The following SEC14L1 variants were observed in gnomAD, a reference collection of about 807,000 sequenced individuals.
SEC14L1 encodes the protein SEC14-like protein 1.
Under a neutral mutation model 85.3 loss-of-function variants are expected in SEC14L1, and 48 were observed. That is an observed-to-expected ratio of 0.56 (90% CI 0.45 to 0.72). The LOEUF (loss-of-function observed/expected upper bound fraction) is 0.72. Ranked by LOEUF, SEC14L1 falls within the 30% of genes least tolerant of loss-of-function variation. The probability of loss-of-function intolerance (pLI) is 0.00; values close to 1 mark genes in which losing one functional copy is unlikely to be tolerated. For synonymous variants in SEC14L1, 391 were observed against 355.5 expected (o/e 1.10, Z -1.12); for missense variants, 682 against 921.4 (o/e 0.74, Z 3.36).
At chr17:77,132,226 A>ATTTT (rs1333203539) in intron 3 of SEC14L1, among the ~76,000 whole-genome samples, 4 of 133,382 alleles carry the variant, frequency 3.0e-5, no homozygotes, top group Admixed American at 7.6e-5. Context: ...TCTGCATGGA[A>ATTTT]TTTTTTTTTT....
At position 77,214,289 on chromosome 17, in the gene SEC14L1, A is replaced by C; in HGVS notation, c.*266A>C. The C allele has an allele frequency of 8.0e-7, 1 of 1,251,626 alleles. No individual in the cohort carries two copies. The highest frequency in any genetic ancestry group is 1.0e-6 in the Non-Finnish European group (1 of 995,252). 77.5% of individuals were successfully genotyped at this position (1,251,626 alleles called of 1,614,324 possible). A position where few individuals can be genotyped will look rare whatever the true frequency, so the allele number is the denominator to read the frequency against. On this transcript the variant is annotated 3_prime_UTR_variant, in exon 17 of 17. Transcript: ENST00000436233. ...CAGAGCGCAAGGGCTCTCTTGAAAG[A>C]AAAGTAGTTTCTGTACCAATTAAAG...
At chr17:77,108,090 C>G (rs913796900) in intron 3 of SEC14L1, among the ~76,000 whole-genome samples, 1 of 151,812 alleles carries the variant, frequency 6.6e-6, no homozygotes, top group Non-Finnish European at 1.5e-5. Context: ...CCATGCCCCC[C>G]CATACCATGC....
chr17:77,211,872 C>G (rs1433271272), intron 14 of SEC14L1, 78 bp from the exon 15 acceptor site: 1 of 1,564,518 alleles, frequency 6.4e-7, no homozygotes, highest in East Asian at 2.2e-5. Flanking sequence ...CCTGGATCCC[C>G]TGGAGAGCAC....
Position 77,216,550 on chromosome 17 carries a change from T to A in SEC14L1, c.*2527T>A. On this transcript the variant is annotated 3_prime_UTR_variant, in exon 17 of 17. Coordinates refer to ENST00000436233, the MANE Select transcript of SEC14L1 (RefSeq NM_001143998.2). ...TCTTTCTCTTTCTCTGTGTCTCAGA[T>A]GGCGATTTTGCTGACAGCTGCCAAG... 1.2e-6 allele frequency: 2 copies of A among 1,613,330 alleles called. No homozygotes were observed. The highest frequency in any genetic ancestry group is 8.5e-7 in the Non-Finnish European group (1 of 1,179,434).
At chr17:77,096,115 T>G (rs1214785422) in intron 3 of SEC14L1, among the ~76,000 whole-genome samples, 1 of 151,426 alleles carries the variant, frequency 6.6e-6, no homozygotes, top group Non-Finnish European at 1.5e-5. Context: ...CAGACTGGTC[T>G]TGAACTCCTG....
chr17:77,188,997 T>G (rs985160579), intron 3 of SEC14L1, among the ~76,000 whole-genome samples: 2 of 151,440 alleles, frequency 1.3e-5, no homozygotes, highest in Admixed American at 6.7e-5. Context: ...TTGAGTTGTT[T>G]TTTTTTTTTA....
At chr17:77,191,784 C>G (rs1975553882) in intron 5 of SEC14L1, among the ~76,000 whole-genome samples, 1 of 149,286 alleles carries the variant, frequency 6.7e-6, no homozygotes, top group Non-Finnish European at 1.5e-5. Context: ...CTCACGTGAT[C>G]CACCCCTTGG....
chr17:77,184,812 G>A (rs1025971145), intron 3 of SEC14L1, among the ~76,000 whole-genome samples: 4 of 152,204 alleles, frequency 2.6e-5, no homozygotes, highest in Non-Finnish European at 4.4e-5. Context: ...TACATAGATT[G>A]ATGTTTTTAA....
At chr17:77,133,601 C>A (rs553185223) in intron 3 of SEC14L1, among the ~76,000 whole-genome samples, 1 of 152,088 alleles carries the variant, frequency 6.6e-6, no homozygotes, top group African/African-American at 2.4e-5. Flanking sequence ...CTTCCATTCA[C>A]CAAATGAGAG....
At chr17:77,136,828 A>T (rs932789653), upstream of SEC14L1, among the ~76,000 whole-genome samples, 2 of 152,226 alleles carry the variant, frequency 1.3e-5, no homozygotes, top group Non-Finnish European at 2.9e-5. Context: ...ATTGCTATAA[A>T]GAAATACTTG....
chr17:77,137,563 A>C (rs1364131859), upstream of SEC14L1, among the ~76,000 whole-genome samples: 5 of 152,218 alleles, frequency 3.3e-5, no homozygotes, highest in Non-Finnish European at 7.3e-5. Flanking sequence ...TTACAATTCA[A>C]CATGAGATTT....
intron 3 of SEC14L1, among the ~76,000 whole-genome samples, chr17:77,111,437 G>C (rs1456866577): frequency 6.7e-6 from 1 of 150,046 alleles, no homozygotes; most frequent in East Asian, 2.0e-4. Flanking sequence ...TTGTCGCCCA[G>C]GTTGGAGTGC....
intron 3 of SEC14L1, among the ~76,000 whole-genome samples, chr17:77,176,306 A>T (rs1470607512): frequency 6.6e-6 from 1 of 152,134 alleles, no homozygotes; most frequent in African/African-American, 2.4e-5. Flanking sequence ...AAAAAAAGTA[A>T]ACCAATTAGG....
At position 77,161,458 on chromosome 17, in the gene SEC14L1, A is replaced by G. The variant is rs570240390; in HGVS notation, c.63+17799A>G. 3.7e-4 allele frequency among the ~76,000 whole-genome samples: 57 copies of G among 152,308 alleles called. 1 individual carries two copies. Among genetic ancestry groups the G allele is most frequent in the African/African-American group, 1.3e-3 (56 of 41,566 alleles). ...GGTTGCAGTGAGCTGAGATTGTGCC[A>G]CTGCACTCCAGCCTGGGCAATAAAA... On this transcript the variant is annotated intron_variant, in intron 3 of 16. Transcript: ENST00000436233.
intron 3 of SEC14L1, among the ~76,000 whole-genome samples, chr17:77,098,425 G>A (rs1971698506): frequency 6.6e-6 from 1 of 152,078 alleles, no homozygotes; most frequent in African/African-American, 2.4e-5. Context: ...CCAGAACCCA[G>A]GAGGCAGAGG....
intron 3 of SEC14L1, among the ~76,000 whole-genome samples, chr17:77,167,458 A>G (rs1180081003): frequency 6.6e-6 from 1 of 152,120 alleles, no homozygotes; most frequent in Non-Finnish European, 1.5e-5. Flanking sequence ...CATGAGCACA[A>G]TAGGTTTTTA....
rs776493807 is a variant in SEC14L1, at chr17:77,206,141, C to G, written c.1170-88C>G. On this transcript the variant is annotated intron_variant, in intron 11 of 16. Transcript: ENST00000436233. The surrounding 1 kb of genome is among the most constrained non-coding windows in gnomAD (Gnocchi z 4.3). ...TTGATTATGATGTATTTGGAAATAG[C>G]TATAAATGACCAAAAAGGAAGAAAA... 142 of 1,328,616 alleles carry G rather than the reference C, an allele frequency of 1.1e-4. No homozygotes were observed. In the Middle Eastern group the frequency reaches 1.2e-3, roughly 11 times the overall value. The allele number at this position is 1,328,616 out of a possible 1,614,324, so 82.3% of individuals were successfully genotyped here.
At chr17:77,102,837 T>G (rs1396234586) in intron 3 of SEC14L1, among the ~76,000 whole-genome samples, 1 of 152,154 alleles carries the variant, frequency 6.6e-6, no homozygotes, top group Non-Finnish European at 1.5e-5. Flanking sequence ...AGTCTTACTT[T>G]GTGGCTCAGG....
At chr17:77,197,744 G>A (rs1310098408) in intron 8 of SEC14L1, among the ~76,000 whole-genome samples, 1 of 151,966 alleles carries the variant, frequency 6.6e-6, no homozygotes, top group African/African-American at 2.4e-5. Context: ...TGAGAGCTGG[G>A]GTTAGCTCTG....
Sources: allele counts gnomAD v4.1 joint callset (sites outside exome capture counted in the v4.1 genomes callset), GRCh38; gene constraint gnomAD v4.1.1; non-coding constraint Gnocchi (gnomAD v3.1); transcripts MANE v1.5; gene names NCBI Gene and HGNC (gene_info 2026-07-23, HGNC 2026-07-21).